The following ZNF804B variants were observed in gnomAD, a reference collection of about 807,000 sequenced individuals.
The protein encoded by ZNF804B is zinc finger protein 804B.
Under a neutral mutation model 101.4 loss-of-function variants are expected in ZNF804B, and 80 were observed. The ratio of observed to expected loss-of-function variants is 0.79; its 90% confidence interval spans 0.66 to 0.95. ZNF804B has a LOEUF of 0.95. Ranked by LOEUF, ZNF804B falls within the 40% of genes least tolerant of loss-of-function variation. ZNF804B has a pLI of 0.00. For missense variants in ZNF804B, 1,673 were observed against 1,561.9 expected, an observed-to-expected ratio of 1.07 and a Z score of -1.20; for synonymous variants, 622 against 558.8, an observed-to-expected ratio of 1.11 and a Z score of -1.59.
rs144350257 is a variant in ZNF804B at position 88,998,600 on chromosome 7, T to G, written c.109-219555T>G. On this transcript the variant is annotated intron_variant, in intron 1 of 3. Coordinates refer to ENST00000333190, the MANE Select transcript of ZNF804B (RefSeq NM_181646.5). ...CTGAGACCCGCCACAGTCTAGCAAATTATAATCCCTTGAGACAGCCTGCAA... is the reference window on the plus strand; with the variant it reads ...CTGAGACCCGCCACAGTCTAGCAAAGTATAATCCCTTGAGACAGCCTGCAA... 5.3e-5 allele frequency among the ~76,000 whole-genome samples: 8 copies of G among 152,178 alleles called. No individual in the cohort carries two copies. The East Asian group carries it at 1.6e-3, about 30-fold the overall frequency.
intron 2 of ZNF804B, among the ~76,000 whole-genome samples, chr7:89,296,682 A>T (rs1790389384): frequency 2.6e-5 from 4 of 151,956 alleles, no homozygotes; most frequent in Non-Finnish European, 4.4e-5. Context: ...CAAATTATCC[A>T]CTCCAATTAA....
intron 1 of ZNF804B, among the ~76,000 whole-genome samples, chr7:88,802,513 A>T (rs7789647): frequency 0.041 from 6,258 of 152,164 alleles, 158 homozygotes; most frequent in Non-Finnish European, 0.052. Context: ...AAGAAAAAAA[A>T]CTACTCTGGA....
chr7:89,031,805 A>G (rs561762334), intron 1 of ZNF804B, among the ~76,000 whole-genome samples: 90 of 152,174 alleles, frequency 5.9e-4, no homozygotes, highest in Non-Finnish European at 9.3e-4. Flanking sequence ...AATTTAATTT[A>G]TATCATTTCA....
intron 2 of ZNF804B, among the ~76,000 whole-genome samples, chr7:89,282,668 G>A (rs531724803): frequency 6.6e-6 from 1 of 152,074 alleles, no homozygotes; most frequent in East Asian, 1.9e-4. Flanking sequence ...GATTAACCTG[G>A]ATTCAAGGGG....
chr7:89,087,350 G>GAT (rs1789820565), intron 1 of ZNF804B, among the ~76,000 whole-genome samples: 1 of 151,492 alleles, frequency 6.6e-6, no homozygotes, highest in Non-Finnish European at 1.5e-5. Flanking sequence ...AAAAAAAAGG[G>GAT]TCCAAATGTT....
chr7:89,147,083 GTATATA>G (rs147620052), intron 1 of ZNF804B, among the ~76,000 whole-genome samples: 1 of 140,180 alleles, frequency 7.1e-6, no homozygotes, highest in Non-Finnish European at 1.6e-5. Flanking sequence ...GGATAATCAG[GTATATA>G]TATATATATA....
At chr7:88,781,091 T>G (rs1321131715) in intron 1 of ZNF804B, among the ~76,000 whole-genome samples, 1 of 152,186 alleles carries the variant, frequency 6.6e-6, no homozygotes, top group African/African-American at 2.4e-5. Flanking sequence ...ACAAGTCTAT[T>G]TTAATCTTAG....
At chr7:89,115,226 C>G (rs1312694896) in intron 1 of ZNF804B, among the ~76,000 whole-genome samples, 1 of 152,162 alleles carries the variant, frequency 6.6e-6, no homozygotes, top group Non-Finnish European at 1.5e-5. Flanking sequence ...TGAAAATAAC[C>G]ATTACCTCTG....
chr7:88,808,237 C>A (rs772125190), intron 1 of ZNF804B, among the ~76,000 whole-genome samples: 2 of 151,984 alleles, frequency 1.3e-5, no homozygotes, highest in Non-Finnish European at 2.9e-5. Flanking sequence ...TAAAAATTAG[C>A]CAGGCATGGT....
chr7:89,241,480 C>T (rs2115763987), intron 2 of ZNF804B, among the ~76,000 whole-genome samples: 1 of 152,166 alleles, frequency 6.6e-6, no homozygotes, highest in South Asian at 2.1e-4. Flanking sequence ...AGCTATAGCT[C>T]TCTGATTTAT....
intron 1 of ZNF804B, among the ~76,000 whole-genome samples, chr7:89,188,308 C>T (rs568998902): frequency 6.6e-6 from 1 of 152,228 alleles, no homozygotes; most frequent in African/African-American, 2.4e-5. Context: ...TCATATAGAA[C>T]TGTGAACTTA....
intron 1 of ZNF804B, among the ~76,000 whole-genome samples, chr7:88,763,402 G>A (rs1469231074): frequency 6.6e-6 from 1 of 152,100 alleles, no homozygotes; most frequent in African/African-American, 2.4e-5. Flanking sequence ...TATCTTCAAA[G>A]TGAAAACATG....
chr7:89,253,787 C>T (rs1789579751), intron 2 of ZNF804B, among the ~76,000 whole-genome samples: 1 of 152,054 alleles, frequency 6.6e-6, no homozygotes, highest in Non-Finnish European at 1.5e-5. Context: ...ACGTTATTTG[C>T]ATCTCAATCC....
chr7:88,852,950 T>A (rs1562812014), intron 1 of ZNF804B, among the ~76,000 whole-genome samples: 1 of 152,094 alleles, frequency 6.6e-6, no homozygotes, highest in African/African-American at 2.4e-5. Context: ...CCATGGCTAA[T>A]CATCAAACAA....
chr7:89,072,501 A>G (rs1021565152), intron 1 of ZNF804B, among the ~76,000 whole-genome samples: 1 of 152,162 alleles, frequency 6.6e-6, no homozygotes, highest in African/African-American at 2.4e-5. Flanking sequence ...ATGAACTTGC[A>G]CTATCTCATC....
At chr7:89,179,291 A>G (rs529218778) in intron 1 of ZNF804B, among the ~76,000 whole-genome samples, 35 of 152,276 alleles carry the variant, frequency 2.3e-4, no homozygotes, top group Middle Eastern at 3.4e-3. Flanking sequence ...CCAATAACTT[A>G]GATTTGCCCT....
At chr7:89,209,930 C>A (rs1292047476) in intron 1 of ZNF804B, among the ~76,000 whole-genome samples, 1 of 152,108 alleles carries the variant, frequency 6.6e-6, no homozygotes, top group Non-Finnish European at 1.5e-5. Context: ...AGGTGGATCA[C>A]CTGAGGTCAG....
At chr7:89,323,029 GA>G (rs1306818484) in intron 2 of ZNF804B, among the ~76,000 whole-genome samples, 1 of 152,192 alleles carries the variant, frequency 6.6e-6, no homozygotes, top group Non-Finnish European at 1.5e-5. Context: ...GAGGTGATTG[GA>G]CATGAGGGCG....
At chr7:88,935,669 C>T (rs1021973575) in intron 1 of ZNF804B, among the ~76,000 whole-genome samples, 1 of 151,850 alleles carries the variant, frequency 6.6e-6, no homozygotes, top group African/African-American at 2.4e-5. Context: ...TCCAAGATGC[C>T]ATATTTTGAG....
Sources: gnomAD v4.1 joint callset for allele counts (sites outside exome capture counted in the v4.1 genomes callset) on GRCh38, gnomAD v4.1.1 for gene constraint, MANE v1.5 for transcripts, NCBI Gene and HGNC (gene_info 2026-07-23, HGNC 2026-07-21) for gene names.